The following QTRT2 variants were observed in gnomAD, a reference collection of about 807,000 sequenced individuals.
The protein encoded by QTRT2 is queuine tRNA-ribosyltransferase domain containing 1.
QTRT2 carries 32 observed loss-of-function variants against 44.8 expected under a neutral mutation model. The ratio of observed to expected loss-of-function variants is 0.71; its 90% CI spans 0.54 to 0.96. The LOEUF (loss-of-function observed/expected upper bound fraction) is 0.96, where lower values mean the gene tolerates loss of function less well. Ranked by LOEUF, QTRT2 falls within the 40% of genes least tolerant of loss-of-function variation. The probability of loss-of-function intolerance (pLI) is 0.00; values close to 1 mark genes in which losing one functional copy is unlikely to be tolerated. For synonymous variants in QTRT2, 182 were observed against 187.4 expected, an observed-to-expected ratio of 0.97 and a Z score of 0.24; for missense variants, 461 against 503.1, an observed-to-expected ratio of 0.92 and a Z score of 0.80.
chr3:114,072,777 C>T (rs1254664483), intron 6 of QTRT2, among the ~76,000 whole-genome samples: 1 of 152,112 alleles, frequency 6.6e-6, no homozygotes, highest in Non-Finnish European at 1.5e-5. Flanking sequence ...ATTGTAAGCC[C>T]TCAGTAAATG....
intron 8 of QTRT2, among the ~76,000 whole-genome samples, chr3:114,082,000 T>G (rs2107805921): frequency 6.6e-6 from 1 of 152,296 alleles, no homozygotes; most frequent in Admixed American, 6.5e-5. Flanking sequence ...GTGCAAAGAA[T>G]GTTTCTTCTT....
intron 6 of QTRT2, 24 bp downstream of exon 6, chr3:114,070,862 C>T (rs753827046): frequency 6.3e-7 from 1 of 1,593,916 alleles, no homozygotes; most frequent in African/African-American, 1.3e-5. Context: ...ACTAACCACT[C>T]CTTTCTCTTG....
intron 6 of QTRT2, among the ~76,000 whole-genome samples, chr3:114,073,334 A>G (rs980047799): frequency 6.6e-5 from 10 of 152,112 alleles, no homozygotes; most frequent in African/African-American, 2.2e-4. Flanking sequence ...AGTCAGCCTC[A>G]TCATTTCATA....
intron 2 of QTRT2, 147 bp from the exon 3 acceptor site, chr3:114,065,090 G>A (rs149109516): frequency 1.1e-4 from 68 of 606,876 alleles, no homozygotes; most frequent in Admixed American, 8.1e-4. Context: ...CCATTCCCCC[G>A]TTCCTGATAT....
At chr3:114,056,943 G>C in intron 1 of QTRT2, 56 bp from the exon 2 acceptor site, 1 of 1,509,166 alleles carries the variant, frequency 6.6e-7, no homozygotes, top group Non-Finnish European at 8.8e-7. Flanking sequence ...CTTCCTGGTT[G>C]TGTTGCAGTA....
chr3:114,073,640 G>A (rs940086429), intron 6 of QTRT2, among the ~76,000 whole-genome samples: 3 of 152,018 alleles, frequency 2.0e-5, no homozygotes, highest in Non-Finnish European at 4.4e-5. Context: ...CAGCCTCCCC[G>A]AATGCTGGGA....
chr3:114,056,887 G>T lies in QTRT2; in HGVS notation c.-130+23G>T, dbSNP rs1577497976. ...CAGGTAAGTGCCCCTTTGCCCTGCTGGTGTGGGAGCTGCTAGAGATGGATG... is the reference window on the plus strand; with the variant it reads ...CAGGTAAGTGCCCCTTTGCCCTGCTTGTGTGGGAGCTGCTAGAGATGGATG... On this transcript the variant is annotated intron_variant, in intron 1 of 9. Transcript: ENST00000281273. 9.1e-6 allele frequency: 14 copies of T among 1,535,420 alleles called. No individual in the cohort carries two copies. In the East Asian group the frequency reaches 3.4e-4, roughly 38 times the overall value.
chr3:114,085,543 G>A, intron 9 of QTRT2, 130 bp from the exon 10 acceptor site: 1 of 794,380 alleles, frequency 1.3e-6, no homozygotes, highest in Non-Finnish European at 2.2e-6. Context: ...TTTTAAGCAG[G>A]TGCACAGCAC....
At chr3:114,084,075 T>TG (rs2077202784) in intron 9 of QTRT2, among the ~76,000 whole-genome samples, 2 of 150,632 alleles carry the variant, frequency 1.3e-5, no homozygotes, top group African/African-American at 4.9e-5. Context: ...TTTTTTTTTT[T>TG]TGTGGGGGGC....
chr3:114,068,188 A>T (rs980290723), intron 5 of QTRT2, 125 bp downstream of exon 5: 4 of 763,858 alleles, frequency 5.2e-6, no homozygotes, highest in South Asian at 1.5e-5. Flanking sequence ...TTATTTCGAT[A>T]ATTATAGTGG....
chr3:114,068,989 C>T (rs908729890), intron 5 of QTRT2, among the ~76,000 whole-genome samples: 1 of 151,092 alleles, frequency 6.6e-6, no homozygotes, highest in African/African-American at 2.4e-5. Context: ...GCAGAGGTGG[C>T]AGTGAGCCAA....
chr3:114,085,872 T>C lies in QTRT2; in HGVS notation c.1216T>C (p.Leu406=), dbSNP rs768187557. 3 of 1,614,178 alleles carry C rather than the reference T, an allele frequency of 1.9e-6. No homozygotes were observed. The highest frequency in any genetic ancestry group is 1.6e-4 in the Middle Eastern group (1 of 6,062). Residue 406 remains leucine (L), a synonymous_variant, in exon 10 of 10, where the codon TTG becomes CTG. Coordinates refer to ENST00000281273, the MANE Select transcript of QTRT2 (RefSeq NM_024638.4). ...EALKSDKLAQ[L]KELIHRQAS ...ACTAAAAAGTGACAAACTGGCACAG[T>C]TGAAAGAGCTCATCCACAGGCAAGC...
chr3:114,070,547 A>AT (rs1185042886), intron 5 of QTRT2, 79 bp from the exon 6 acceptor site: 5 of 1,242,450 alleles, frequency 4.0e-6, no homozygotes, highest in Non-Finnish European at 5.8e-6. Context: ...AAGAAGAATT[A>AT]TTGCTTTATC....
chr3:114,069,416 C>T (rs2076995959), intron 5 of QTRT2, among the ~76,000 whole-genome samples: 1 of 152,104 alleles, frequency 6.6e-6, no homozygotes, highest in Non-Finnish European at 1.5e-5. Flanking sequence ...CACAAGTAGA[C>T]CCCAGTGTCT....
At chr3:114,063,560 C>T (rs2076915153) in intron 2 of QTRT2, among the ~76,000 whole-genome samples, 1 of 151,852 alleles carries the variant, frequency 6.6e-6, no homozygotes, top group Admixed American at 6.6e-5. Context: ...TCTAATGACA[C>T]TTATTTGTAT....
Position 114,065,360 on chromosome 3 carries a change from C to T in QTRT2, c.103C>T (p.Leu35=), listed in dbSNP as rs765351684. 6 of 1,614,008 alleles carry T rather than the reference C, an allele frequency of 3.7e-6. No individual in the cohort carries two copies. The African/African-American group carries it at 5.3e-5, about 14-fold the overall frequency. The part of the protein sequence containing the change: ...DHTMDIPGCL[L]YTKTGSAPHL... The stretch of plus-strand genomic sequence containing the variant: ...CACCATGGATATTCCAGGCTGCCTT[C>T]TGTATACCAAGACTGGCTCCGCCCC... The change falls in exon 3 of 10, where the codon CTG becomes TTG. Residue 35 remains leucine (L), a synonymous_variant. Transcript: ENST00000281273.
chr3:114,065,527 A>G, intron 3 of QTRT2, 70 bp downstream of exon 3: 2 of 1,187,450 alleles, frequency 1.7e-6, no homozygotes, highest in South Asian at 1.4e-5. Context: ...TGCAAAAAAG[A>G]GAAATATTTT....
At chr3:114,079,538 C>CA (rs202013962) in intron 7 of QTRT2, 5,018 of 157,758 alleles carry the variant, frequency 0.032, 145 homozygotes, top group East Asian at 0.087. Flanking sequence ...GACTCCCTCT[C>CA]AAAAAAAAAA....
intron 2 of QTRT2, among the ~76,000 whole-genome samples, chr3:114,057,821 T>C (rs1323148304): frequency 6.6e-6 from 1 of 152,120 alleles, no homozygotes; most frequent in African/African-American, 2.4e-5. Flanking sequence ...TGTTTAAATA[T>C]TTGTATGAGA....
Sources: allele counts gnomAD v4.1 joint callset (sites outside exome capture counted in the v4.1 genomes callset), GRCh38; gene constraint gnomAD v4.1.1; transcripts MANE v1.5; gene names NCBI Gene and HGNC (gene_info 2026-07-23, HGNC 2026-07-21).